Variants in PCDH15 observed in about 807,000 individuals in gnomAD.
PCDH15 encodes protocadherin related 15, also known as protocadherin-15.
Under a neutral mutation model 178.5 loss-of-function variants are expected in PCDH15, and 129 were observed. That is an observed-to-expected ratio of 0.72 (90% CI 0.63 to 0.84). The LOEUF is 0.84. Ranked by LOEUF, PCDH15 falls within the 40% of genes least tolerant of loss-of-function variation. The probability of loss-of-function intolerance (pLI) is 0.00; values close to 1 mark genes in which losing one functional copy is unlikely to be tolerated. For missense variants in PCDH15, 2,230 were observed against 2,099.9 expected, an observed-to-expected ratio of 1.06 and a Z score of -1.21; for synonymous variants, 800 against 732.0, an observed-to-expected ratio of 1.09 and a Z score of -1.50.
intron 25 of PCDH15, among the ~76,000 whole-genome samples, chr10:53,908,018 A>T (rs1243340273): frequency 3.3e-5 from 5 of 152,150 alleles, no homozygotes; most frequent in Non-Finnish European, 5.9e-5. Flanking sequence ...ATTTATCCAC[A>T]TGACTAATCT....
chr10:54,117,694 T>A (rs541577156), intron 15 of PCDH15, among the ~76,000 whole-genome samples: 39 of 151,642 alleles, frequency 2.6e-4, no homozygotes, highest in African/African-American at 8.3e-4. Context: ...CTCAGGCAGG[T>A]AGTCCCAGGT....
At chr10:54,197,017 G>A (rs11816146) in intron 10 of PCDH15, among the ~76,000 whole-genome samples, 33,039 of 151,976 alleles carry the variant, frequency 0.22, 5,588 homozygotes, top group African/African-American at 0.47. Flanking sequence ...CAAATAATTC[G>A]TAATTCTATA....
chr10:55,334,548 C>T (rs1472929859), intron 2 of PCDH15, among the ~76,000 whole-genome samples: 1 of 151,764 alleles, frequency 6.6e-6, no homozygotes, highest in East Asian at 1.9e-4. Context: ...CTCAGGTCAT[C>T]CGCCTGCCTC....
intron 2 of PCDH15, among the ~76,000 whole-genome samples, chr10:54,939,382 C>G (rs1591795656): frequency 6.7e-6 from 1 of 149,806 alleles, no homozygotes; most frequent in Non-Finnish European, 1.5e-5. Flanking sequence ...GTAGTCCCAG[C>G]TACTCGGGAG....
intron 3 of PCDH15, among the ~76,000 whole-genome samples, chr10:54,419,955 T>C (rs1440131100): frequency 6.6e-6 from 1 of 152,030 alleles, no homozygotes; most frequent in Non-Finnish European, 1.5e-5. Flanking sequence ...AAAGAGTCTG[T>C]CTCTTTGCAA....
intron 16 of PCDH15, among the ~76,000 whole-genome samples, chr10:54,084,140 C>T (rs549156813): frequency 6.6e-6 from 1 of 151,086 alleles, no homozygotes; most frequent in South Asian, 2.1e-4. Context: ...GGCTAGAGAG[C>T]AATGGCATGA....
At chr10:55,314,197 G>GTATA (rs1025773854) in intron 1 of PCDH15, among the ~76,000 whole-genome samples, 52 of 119,762 alleles carry the variant, frequency 4.3e-4, no homozygotes, top group African/African-American at 2.0e-3. Context: ...ATATGTTTGT[G>GTATA]TGTATATATA....
intron 2 of PCDH15, chr10:54,606,380 A>T (rs2092741706): frequency 6.6e-6 from 1 of 152,116 alleles, no homozygotes; most frequent in Non-Finnish European, 1.5e-5. Flanking sequence ...GGAAACTAAG[A>T]ACTCTCAAAG....
intron 1 of PCDH15, among the ~76,000 whole-genome samples, chr10:54,675,614 G>A (rs538112290): frequency 1.3e-5 from 2 of 151,924 alleles, no homozygotes; most frequent in African/African-American, 4.8e-5. Flanking sequence ...CCTCATGTAA[G>A]ACTTCTCTGA....
intron 2 of PCDH15, among the ~76,000 whole-genome samples, chr10:54,570,280 T>C (rs1463641331): frequency 6.6e-6 from 1 of 152,120 alleles, no homozygotes; most frequent in African/African-American, 2.4e-5. Flanking sequence ...ACAAAAATAG[T>C]TTTAAAAAAT....
chr10:54,616,455 G>GCA (rs2093158575), intron 2 of PCDH15, among the ~76,000 whole-genome samples: 1 of 152,068 alleles, frequency 6.6e-6, no homozygotes. Context: ...TGAAGCCATT[G>GCA]CAAGTGTGTC....
intron 25 of PCDH15, among the ~76,000 whole-genome samples, chr10:53,929,539 C>T (rs1478560956): frequency 6.6e-6 from 1 of 152,058 alleles, no homozygotes; most frequent in East Asian, 1.9e-4. Flanking sequence ...TAATATGTGA[C>T]AGGCTACAAT....
intron 1 of PCDH15, among the ~76,000 whole-genome samples, chr10:54,667,397 A>G (rs189408744): frequency 9.2e-5 from 14 of 152,216 alleles, no homozygotes; most frequent in Admixed American, 9.2e-4. Flanking sequence ...TGTGTAAATG[A>G]CTACAGGACC....
chr10:54,817,565 C>T (rs1276229305), intron 3 of PCDH15, among the ~76,000 whole-genome samples: 1 of 151,960 alleles, frequency 6.6e-6, no homozygotes, highest in Non-Finnish European at 1.5e-5. Flanking sequence ...GGATCTTTGC[C>T]ACTGAGATGA....
intron 2 of PCDH15, among the ~76,000 whole-genome samples, chr10:55,441,403 T>C (rs929846856): frequency 3.3e-5 from 5 of 152,202 alleles, no homozygotes; most frequent in Non-Finnish European, 7.3e-5. Flanking sequence ...AGAGATTGTC[T>C]GTTACAGACA....
chr10:54,964,001 A>T (rs535999415), intron 2 of PCDH15, among the ~76,000 whole-genome samples: 6 of 152,150 alleles, frequency 3.9e-5, no homozygotes, highest in African/African-American at 1.2e-4. Context: ...TGGGGAAAAA[A>T]GAATTAGGGA....
intron 2 of PCDH15, among the ~76,000 whole-genome samples, chr10:55,568,593 T>G (rs1195809609): frequency 6.6e-6 from 1 of 151,936 alleles, no homozygotes; most frequent in Non-Finnish European, 1.5e-5. Context: ...AAACCCTGGC[T>G]TAAAAGAACA....
chr10:53,958,810 T>A (rs1002287234), intron 23 of PCDH15, among the ~76,000 whole-genome samples: 7 of 151,580 alleles, frequency 4.6e-5, no homozygotes, highest in Non-Finnish European at 8.8e-5. Flanking sequence ...AAACCCCACC[T>A]CTACTGAAAA....
In PCDH15 at chr10:54,391,785, C is replaced by T. The variant is rs73249934; in HGVS notation, c.158-12843G>A. Among the ~76,000 whole-genome samples, 1,015 of 152,244 alleles carry T rather than the reference C, an allele frequency of 6.7e-3. 13 individuals carry two copies. The highest frequency in any genetic ancestry group is 0.023 in the African/African-American group (957 of 41,552). ...CAGATGGCTCAGGAGCCTTCTGATG[C>T]AATCCATGCATCTCTGAGAAGGTGA... is the stretch of plus-strand genomic sequence containing the variant. On this transcript the variant is annotated intron_variant, in intron 3 of 37. Coordinates refer to ENST00000644397, the MANE Select transcript of PCDH15 (RefSeq NM_001384140.1).
Sources: gnomAD v4.1 joint callset for allele counts (sites outside exome capture counted in the v4.1 genomes callset) on GRCh38, gnomAD v4.1.1 for gene constraint, MANE v1.5 for transcripts, NCBI Gene and HGNC (gene_info 2026-07-23, HGNC 2026-07-21) for gene names.